TTC29: variants seen among roughly 807,000 people sequenced by gnomAD.
TTC29 encodes tetratricopeptide repeat domain 29.
TTC29 carries 49 observed loss-of-function variants against 58.1 expected under a neutral mutation model. The observed-to-expected ratio is 0.84, with a 90% CI of 0.67 to 1.07. The LOEUF (loss-of-function observed/expected upper bound fraction) is 1.07, where lower values mean the gene tolerates loss of function less well. TTC29 is among the 50% of genes least tolerant of loss of function. The probability of loss-of-function intolerance (pLI) is 0.00; values close to 1 mark genes in which losing one functional copy is unlikely to be tolerated. For missense variants in TTC29, 582 were observed against 555.6 expected, an observed-to-expected ratio of 1.05 and a Z score of -0.48; for synonymous variants, 209 against 196.8, an observed-to-expected ratio of 1.06 and a Z score of -0.52.
intron 2 of TTC29, chr4:146,942,748 C>A: frequency 1.2e-6 from 1 of 813,044 alleles, no homozygotes; most frequent in Non-Finnish European, 1.9e-6. Flanking sequence ...GCATTCCATC[C>A]TCTATAAATT....
chr4:146,805,132 C>T lies in TTC29; in HGVS notation c.1102-1447G>A, dbSNP rs181954710. Among the ~76,000 whole-genome samples, 247 of 152,282 alleles carry T rather than the reference C, an allele frequency of 1.6e-3. 3 individuals carry two copies. The highest frequency in any genetic ancestry group is 1.6e-3 in the Admixed American group (25 of 15,304). On this transcript the variant is annotated intron_variant, in intron 10 of 12. Transcript: ENST00000325106. ...CCTCCAGCAAACTCCAGCAGCCCTG[C>T]AGGAGAGGGGCCTGACTGTTAGAAG...
chr4:146,907,460 T>C (rs1733595909), intron 5 of TTC29, among the ~76,000 whole-genome samples: 1 of 152,162 alleles, frequency 6.6e-6, no homozygotes, highest in Non-Finnish European at 1.5e-5. Context: ...CACTGTAGAA[T>C]TTTGGGCAAA....
intron 8 of TTC29, among the ~76,000 whole-genome samples, chr4:146,848,195 A>ACAT (rs1729299417): frequency 6.6e-6 from 1 of 152,234 alleles, no homozygotes. Context: ...CAGAAAACAC[A>ACAT]CATTATACTT....
At chr4:146,876,899 G>A (rs1731295654) in intron 6 of TTC29, among the ~76,000 whole-genome samples, 1 of 136,018 alleles carries the variant, frequency 7.4e-6, no homozygotes, top group Non-Finnish European at 1.5e-5. Flanking sequence ...TCATGCCACT[G>A]CACTCCAGCC....
At chr4:146,907,792 G>A (rs530238574) in intron 5 of TTC29, among the ~76,000 whole-genome samples, 2 of 152,174 alleles carry the variant, frequency 1.3e-5, no homozygotes, top group South Asian at 2.1e-4. Context: ...GAGCCACCGC[G>A]CCCAGCCAAA....
chr4:146,739,696 C>G (rs1744982026), intron 11 of TTC29, among the ~76,000 whole-genome samples: 1 of 152,130 alleles, frequency 6.6e-6, no homozygotes, highest in South Asian at 2.1e-4. Flanking sequence ...TCTGTGTAGG[C>G]TGTCTTTTAT....
At chr4:146,941,459 G>T (rs562098112) in intron 2 of TTC29, among the ~76,000 whole-genome samples, 1 of 152,304 alleles carries the variant, frequency 6.6e-6, no homozygotes, top group East Asian at 1.9e-4. Context: ...TGATTTCACA[G>T]ACTTTGCAGT....
intron 6 of TTC29, among the ~76,000 whole-genome samples, chr4:146,895,009 T>C (rs1401506134): frequency 6.6e-6 from 1 of 152,200 alleles, no homozygotes; most frequent in Non-Finnish European, 1.5e-5. Flanking sequence ...CAGTGAGTGT[T>C]GTTCCCCATG....
intron 8 of TTC29, among the ~76,000 whole-genome samples, chr4:146,841,488 T>A (rs1236915207): frequency 6.6e-6 from 1 of 152,128 alleles, no homozygotes; most frequent in Admixed American, 6.6e-5. Flanking sequence ...ATAGAAGCCA[T>A]CATATGAAAC....
At chr4:146,744,275 T>G (rs1286545018) in intron 11 of TTC29, among the ~76,000 whole-genome samples, 1 of 151,838 alleles carries the variant, frequency 6.6e-6, no homozygotes, top group East Asian at 1.9e-4. Context: ...CTCATGACTG[T>G]AATCCCAGCA....
chr4:146,735,716 A>C (rs1744665219), intron 11 of TTC29, among the ~76,000 whole-genome samples: 1 of 152,152 alleles, frequency 6.6e-6, no homozygotes, highest in South Asian at 2.1e-4. Context: ...TACCCAGGTC[A>C]TGGTAAATGT....
chr4:146,856,793 AT>A (rs1729887656), intron 8 of TTC29, among the ~76,000 whole-genome samples: 1 of 151,494 alleles, frequency 6.6e-6, no homozygotes, highest in South Asian at 2.1e-4. Flanking sequence ...ATGAAAAAAA[AT>A]TCAATTTACT....
At position 146,772,085 on chromosome 4, in the gene TTC29, T is replaced by C. The variant is rs1747782510; in HGVS notation, c.1330+31372A>G. On this transcript the variant is annotated intron_variant, in intron 11 of 12. Coordinates refer to ENST00000325106, the MANE Select transcript of TTC29 (RefSeq NM_031956.4). ...GTCTGTTCATGTCCTTTGCTCACTT[T>C]TTAATGGGGTTGTTTGTTTTCTGCT... Among the ~76,000 whole-genome samples the C allele has an allele frequency of 2.0e-5, 3 of 152,190 alleles. No individual in the cohort carries two copies. The South Asian group carries it at 6.2e-4, about 31-fold the overall frequency.
chr4:146,734,235 A>G (rs1408738722), intron 11 of TTC29, among the ~76,000 whole-genome samples: 1 of 152,156 alleles, frequency 6.6e-6, no homozygotes, highest in Non-Finnish European at 1.5e-5. Flanking sequence ...AGAAGTGGCA[A>G]TAAGGTCACT....
chr4:146,817,824 C>T (rs958637777), intron 10 of TTC29, among the ~76,000 whole-genome samples: 19 of 152,238 alleles, frequency 1.2e-4, no homozygotes, highest in Admixed American at 1.2e-3. Flanking sequence ...GAAAAACAAG[C>T]AATGGGGAAA....
intron 3 of TTC29, among the ~76,000 whole-genome samples, chr4:146,939,389 A>C (rs1241390451): frequency 6.6e-6 from 1 of 152,146 alleles, no homozygotes; most frequent in African/African-American, 2.4e-5. Flanking sequence ...CAGGAGGCAG[A>C]GATTGCAGTG....
At chr4:146,888,954 G>T (rs1459353177) in intron 6 of TTC29, among the ~76,000 whole-genome samples, 1 of 152,102 alleles carries the variant, frequency 6.6e-6, no homozygotes, top group Admixed American at 6.6e-5. Context: ...TAATGGCAGT[G>T]TCAAAAGAGA....
intron 11 of TTC29, among the ~76,000 whole-genome samples, chr4:146,749,403 A>T (rs1337055116): frequency 6.6e-6 from 1 of 152,152 alleles, no homozygotes; most frequent in Non-Finnish European, 1.5e-5. Context: ...GAGATTCAAC[A>T]GCAGGCTAGA....
chr4:146,820,309 G>C lies in TTC29; in HGVS notation c.978-61C>G, dbSNP rs897911913. ...ATCTCACTTAATGTCACAGTAAAGAGGAAGTATCTTGTGTCTTTGCTGTAG... is the reference window on the plus strand; with the variant it reads ...ATCTCACTTAATGTCACAGTAAAGACGAAGTATCTTGTGTCTTTGCTGTAG... On this transcript the variant is annotated intron_variant, in intron 9 of 12. Transcript: ENST00000325106. 4.1e-5 allele frequency: 63 copies of C among 1,550,292 alleles called. No individual in the cohort carries two copies. The African/African-American group carries it at 7.9e-4, about 19-fold the overall frequency.
Sources: gnomAD v4.1 joint callset for allele counts (sites outside exome capture counted in the v4.1 genomes callset) on GRCh38, gnomAD v4.1.1 for gene constraint, MANE v1.5 for transcripts, NCBI Gene and HGNC (gene_info 2026-07-23, HGNC 2026-07-21) for gene names.